The following PDE1A variants were observed in gnomAD, a reference collection of about 807,000 sequenced individuals.
PDE1A encodes the protein dual specificity calcium/calmodulin-dependent 3',5'-cyclic nucleotide phosphodiesterase 1A.
Under a neutral mutation model 61.7 loss-of-function variants are expected in PDE1A, and 35 were observed. That is an observed-to-expected ratio of 0.57 (90% CI 0.43 to 0.75). The LOEUF (loss-of-function observed/expected upper bound fraction) is 0.75. Among genes scored for constraint, PDE1A ranks in the 30% least tolerant of loss-of-function variants. The pLI is 0.00. For synonymous variants in PDE1A, 232 were observed against 213.2 expected (o/e 1.09, Z -0.77); for missense variants, 597 against 630.6 (o/e 0.95, Z 0.57).
At chr2:182,336,298 A>G (rs569745082) in intron 1 of PDE1A, among the ~76,000 whole-genome samples, 1 of 152,316 alleles carries the variant, frequency 6.6e-6, no homozygotes, top group East Asian at 1.9e-4. Context: ...AAATCATTCT[A>G]CTATAAAGAC....
At chr2:182,207,629 G>T (rs989374785) in intron 7 of PDE1A, among the ~76,000 whole-genome samples, 1 of 152,330 alleles carries the variant, frequency 6.6e-6, no homozygotes, top group South Asian at 2.1e-4. Context: ...CATTTTCTGG[G>T]GAGGAATTCA....
intron 1 of PDE1A, among the ~76,000 whole-genome samples, chr2:182,352,683 A>G (rs1698956484): frequency 6.6e-6 from 1 of 150,408 alleles, no homozygotes; most frequent in South Asian, 2.1e-4. Flanking sequence ...TTTTCCTCTT[A>G]ATTGTGTGGG....
At chr2:182,213,911 C>T (rs1221574461) in intron 7 of PDE1A, among the ~76,000 whole-genome samples, 4 of 127,494 alleles carry the variant, frequency 3.1e-5, no homozygotes, top group Non-Finnish European at 5.0e-5. Context: ...TCAGGAAATA[C>T]AGAGAACGCC....
chr2:182,242,943 G>GTGTGCGTGTGTGTGTGTGTGTT (rs1690666311), intron 2 of PDE1A, among the ~76,000 whole-genome samples: 1 of 137,388 alleles, frequency 7.3e-6, no homozygotes. Flanking sequence ...GTATGTGTGT[G>GTGTGCGTGTGTGTGTGTGTGTT]TGTGTGTTGT....
the PDE1A span, among the ~76,000 whole-genome samples, chr2:182,537,399 C>G: frequency 1.3e-5 from 2 of 152,024 alleles, no homozygotes; most frequent in African/African-American, 4.8e-5. Context: ...AACATAGGAG[C>G]AGAAAACCAA....
At chr2:182,273,869 A>G (rs1446585566) in intron 1 of PDE1A, among the ~76,000 whole-genome samples, 1 of 152,118 alleles carries the variant, frequency 6.6e-6, no homozygotes, top group Non-Finnish European at 1.5e-5. Context: ...TCCACCAAAA[A>G]TAACAAAGGA....
chr2:182,145,733 A>G (rs2125259565), downstream of PDE1A, among the ~76,000 whole-genome samples: 1 of 152,232 alleles, frequency 6.6e-6, no homozygotes, highest in East Asian at 1.9e-4. Context: ...GGTCTCCAAA[A>G]ATAAAAAAAG....
the PDE1A span, among the ~76,000 whole-genome samples, chr2:182,608,472 G>T: frequency 6.6e-6 from 1 of 152,212 alleles, no homozygotes; most frequent in African/African-American, 2.4e-5. Context: ...AGAGGCGCAG[G>T]TGGGAACCTG....
At chr2:182,198,416 G>A (rs1686319760) in intron 10 of PDE1A, among the ~76,000 whole-genome samples, 1 of 151,826 alleles carries the variant, frequency 6.6e-6, no homozygotes, top group African/African-American at 2.4e-5. Context: ...GAAGTGGTAA[G>A]AGTACCTATA....
intron 1 of PDE1A, among the ~76,000 whole-genome samples, chr2:182,326,285 A>G (rs1180824619): frequency 6.6e-6 from 1 of 152,214 alleles, no homozygotes; most frequent in Admixed American, 6.5e-5. Flanking sequence ...TAGTACCATT[A>G]CTCGTAACAG....
intron 1 of PDE1A, among the ~76,000 whole-genome samples, chr2:182,415,111 C>T (rs952922281): frequency 6.6e-6 from 1 of 152,048 alleles, no homozygotes; most frequent in Non-Finnish European, 1.5e-5. Context: ...TCTGTCTTTA[C>T]CACTCTGTAC....
At chr2:182,615,115 T>C in the PDE1A span, among the ~76,000 whole-genome samples, 1 of 152,250 alleles carries the variant, frequency 6.6e-6, no homozygotes, top group African/African-American at 2.4e-5. Flanking sequence ...TTCCTAAGAC[T>C]ATGTAGCTAT....
At chr2:182,350,885 A>T (rs1396018044) in intron 1 of PDE1A, among the ~76,000 whole-genome samples, 1 of 151,936 alleles carries the variant, frequency 6.6e-6, no homozygotes. Flanking sequence ...ACCTATCATT[A>T]CTCCCTGCCC....
the PDE1A span, among the ~76,000 whole-genome samples, chr2:182,555,678 A>C: frequency 1.3e-5 from 2 of 152,090 alleles, no homozygotes; most frequent in Admixed American, 1.3e-4. Flanking sequence ...TAAGAATGTC[A>C]TTGTTGGCTG....
upstream of PDE1A, among the ~76,000 whole-genome samples, chr2:182,524,289 CTATAATTATTA>C (rs1008453562): frequency 2.8e-4 from 42 of 152,256 alleles, no homozygotes; most frequent in African/African-American, 9.9e-4. Context: ...AGCAAGTACT[CTATAATTATTA>C]TTTTATGAAT....
chr2:182,715,141 C>T, the PDE1A span, among the ~76,000 whole-genome samples: 3 of 152,154 alleles, frequency 2.0e-5, no homozygotes, highest in East Asian at 1.9e-4. Flanking sequence ...AATGGTTACA[C>T]ACTGTGTCAT....
At position 182,169,691 on chromosome 2, in the gene PDE1A, T is replaced by C. The variant is rs560464083; in HGVS notation, c.1517-1401A>G. Among the ~76,000 whole-genome samples the C allele has an allele frequency of 3.2e-3, 487 of 152,166 alleles. 2 individuals carry two copies. Among genetic ancestry groups the C allele is most frequent in the Non-Finnish European group, 5.4e-3 (364 of 67,974 alleles). On this transcript the variant is annotated intron_variant, in intron 13 of 13. Transcript: ENST00000351439. ...ACAGATGAGCTTCACAGACCACCCC[T>C]ACTTTCAAATTTAGTAAAGAGTACA...
chr2:182,706,507 G>C, the PDE1A span, among the ~76,000 whole-genome samples: 1 of 152,070 alleles, frequency 6.6e-6, no homozygotes, highest in African/African-American at 2.4e-5. Context: ...GAAACTGGTT[G>C]AAATGAGTAA....
the PDE1A span, among the ~76,000 whole-genome samples, chr2:182,669,756 C>T: frequency 1.9e-3 from 284 of 152,344 alleles, 1 homozygote; most frequent in Non-Finnish European, 3.3e-3. Flanking sequence ...CCACCTTTTA[C>T]GCCATGTGTA....
Sources: allele counts gnomAD v4.1 joint callset (sites outside exome capture counted in the v4.1 genomes callset), GRCh38; gene constraint gnomAD v4.1.1; transcripts MANE v1.5; gene names NCBI Gene and HGNC (gene_info 2026-07-23, HGNC 2026-07-21).